The following KSR2 variants were observed in gnomAD, a reference collection of about 807,000 sequenced individuals.
The protein encoded by KSR2 is kinase suppressor of ras 2.
A neutral mutation model predicts 107.8 loss-of-function variants in KSR2; 25 were observed. The observed-to-expected ratio is 0.23, with a 90% CI of 0.17 to 0.32. The LOEUF is 0.32. KSR2 is among the 10% of genes least tolerant of loss of function. KSR2 has a pLI of 1.00. For missense variants in KSR2, 887 were observed against 1,268.9 expected (o/e 0.70, Z 4.57); for synonymous variants, 480 against 507.0 (o/e 0.95, Z 0.71).
intron 5 of KSR2, among the ~76,000 whole-genome samples, chr12:117,607,654 A>AAGGAG (rs61650091): frequency 0.47 from 55,056 of 118,042 alleles, 13,641 homozygotes; most frequent in South Asian, 0.56. Context: ...GAGGGGAGGA[A>AAGGAG]AGGAGAGGAG....
At chr12:117,880,648 G>A (rs1174216919) in intron 1 of KSR2, among the ~76,000 whole-genome samples, 3 of 151,864 alleles carry the variant, frequency 2.0e-5, no homozygotes, top group African/African-American at 4.8e-5. Flanking sequence ...AAAACCTGCC[G>A]GAGGAAGCCG....
chr12:117,476,219 G>C (rs1871766971), intron 17 of KSR2, among the ~76,000 whole-genome samples: 1 of 152,236 alleles, frequency 6.6e-6, no homozygotes, highest in Non-Finnish European at 1.5e-5. Flanking sequence ...AATAGCTATT[G>C]AATAAGTAAA....
Position 117,647,032 on chromosome 12 carries a change from C to T in KSR2, c.1171+20442G>A, listed in dbSNP as rs377715720. On this transcript the variant is annotated intron_variant, in intron 5 of 19. Transcript: ENST00000339824. ...ACATGGTGACCAGGAGAAAGAAAGA[C>T]GGAGAGGGTGAAAGCCACACAGAGA... Among the ~76,000 whole-genome samples the T allele has an allele frequency of 9.2e-5, 14 of 151,882 alleles. No individual in the cohort carries two copies. The East Asian group carries it at 9.7e-4, about 11-fold the overall frequency.
intron 4 of KSR2, among the ~76,000 whole-genome samples, chr12:117,734,086 GC>G (rs1458105460): frequency 2.6e-5 from 4 of 152,090 alleles, no homozygotes; most frequent in Admixed American, 1.3e-4. Context: ...TTTGAGACCA[GC>G]CTGGCCAACA....
intron 5 of KSR2, among the ~76,000 whole-genome samples, chr12:117,611,446 A>ACACACACACACACACACACACACACG (rs1278726616): frequency 3.4e-5 from 1 of 29,024 alleles, no homozygotes; most frequent in African/African-American, 1.4e-4. Context: ...GCACGCACAG[A>ACACACACACACACACACACACACACG]CACACACACA....
At chr12:117,824,913 C>T (rs1891688731) in intron 3 of KSR2, among the ~76,000 whole-genome samples, 1 of 150,386 alleles carries the variant, frequency 6.6e-6, no homozygotes, top group Non-Finnish European at 1.5e-5. Context: ...GGAGCAGTGG[C>T]TCATGGCTGT....
Position 117,460,295 on chromosome 12 carries a change from G to A in KSR2, c.*6904C>T, listed in dbSNP as rs2137093819. 6.6e-6 allele frequency: 1 copy of A among 152,272 alleles called. No homozygotes were observed. The highest frequency in any genetic ancestry group is 1.9e-4 in the East Asian group (1 of 5,180). 9.4% of individuals were successfully genotyped at this position (152,272 alleles called of 1,614,324 possible). ...TCATATTCTTGGTGTTAGGAAATGGGAGCTGCATGATCCCAATGAGTGGGA... is the reference window on the plus strand; with the variant it reads ...TCATATTCTTGGTGTTAGGAAATGGAAGCTGCATGATCCCAATGAGTGGGA... On this transcript the variant is annotated 3_prime_UTR_variant, in exon 20 of 20. Coordinates refer to ENST00000339824, the MANE Select transcript of KSR2 (RefSeq NM_173598.6).
At chr12:117,810,235 ACT>A (rs1341550890) in intron 3 of KSR2, among the ~76,000 whole-genome samples, 1 of 152,036 alleles carries the variant, frequency 6.6e-6, no homozygotes, top group Non-Finnish European at 1.5e-5. Flanking sequence ...AGGAACTATC[ACT>A]CTATTAATCT....
At chr12:117,783,280 C>T (rs1280223887) in intron 3 of KSR2, among the ~76,000 whole-genome samples, 2 of 152,078 alleles carry the variant, frequency 1.3e-5, no homozygotes, top group African/African-American at 4.8e-5. Flanking sequence ...CCCAAGGGTC[C>T]CATAGTGGAA....
chr12:117,472,624 G>A (rs919741511), intron 17 of KSR2, among the ~76,000 whole-genome samples: 12 of 152,158 alleles, frequency 7.9e-5, no homozygotes, highest in Non-Finnish European at 1.3e-4. Flanking sequence ...GTTTCACTTC[G>A]TAGTTACATC....
intron 14 of KSR2, among the ~76,000 whole-genome samples, chr12:117,498,871 T>C (rs868400445): frequency 5.9e-5 from 9 of 152,370 alleles, no homozygotes; most frequent in African/African-American, 1.7e-4. Context: ...TCCCCAGCCA[T>C]GTGGAACTGT....
chr12:117,938,952 G>C (rs1895923964), intron 1 of KSR2, among the ~76,000 whole-genome samples: 1 of 150,320 alleles, frequency 6.7e-6, no homozygotes. Context: ...AAATCACTGG[G>C]AATCAGTCAA....
intron 1 of KSR2, among the ~76,000 whole-genome samples, chr12:117,958,044 G>T (rs780848514): frequency 2.0e-5 from 3 of 152,106 alleles, no homozygotes; most frequent in Non-Finnish European, 4.4e-5. Context: ...TGTTGGCCAA[G>T]CTGGTCTTGA....
At chr12:117,959,480 G>A (rs1186412907) in intron 1 of KSR2, among the ~76,000 whole-genome samples, 1 of 152,096 alleles carries the variant, frequency 6.6e-6, no homozygotes, top group East Asian at 1.9e-4. Context: ...AATCATACCA[G>A]TCAAAAGCAC....
At chr12:117,934,313 G>T (rs1009196124) in intron 1 of KSR2, among the ~76,000 whole-genome samples, 1 of 152,126 alleles carries the variant, frequency 6.6e-6, no homozygotes, top group South Asian at 2.1e-4. Flanking sequence ...TTGACTCCAG[G>T]AGTAGAGAAA....
intron 4 of KSR2, among the ~76,000 whole-genome samples, chr12:117,698,178 C>T (rs1886149197): frequency 6.6e-6 from 1 of 152,180 alleles, no homozygotes; most frequent in Admixed American, 6.5e-5. Flanking sequence ...AACTGTGAGA[C>T]AGTAAATTTC....
At position 117,897,059 on chromosome 12, in the gene KSR2, G is replaced by A. The variant is rs1046449429; in HGVS notation, c.181-36628C>T. Among the ~76,000 whole-genome samples, 1 of 152,148 alleles carries A rather than the reference G, an allele frequency of 6.6e-6. No homozygotes were observed. Among genetic ancestry groups the A allele is most frequent in the Non-Finnish European group, 1.5e-5 (1 of 68,026 alleles). ...AACCAGGAGGTGTTAGAGTGAAGAGGTTTCTTCCTCTCTGCCCTGTTCCTC... is the reference window on the plus strand; with the variant it reads ...AACCAGGAGGTGTTAGAGTGAAGAGATTTCTTCCTCTCTGCCCTGTTCCTC... On this transcript the variant is annotated intron_variant, in intron 1 of 19. Transcript: ENST00000339824. This position sits in a 1 kb window ranked among gnomAD's most constrained non-coding sequence, Gnocchi z 4.5.
chr12:117,884,432 T>C (rs1187831885), intron 1 of KSR2, among the ~76,000 whole-genome samples: 1 of 152,184 alleles, frequency 6.6e-6, no homozygotes, highest in Admixed American at 6.5e-5. Context: ...TCCTCCACCA[T>C]GCCAGCTCTC....
At chr12:117,961,846 A>G (rs1251823897) in intron 1 of KSR2, among the ~76,000 whole-genome samples, 1 of 152,158 alleles carries the variant, frequency 6.6e-6, no homozygotes, top group Non-Finnish European at 1.5e-5. Flanking sequence ...ATATATGAAG[A>G]GCAAAGAAAT....
Sources: allele counts gnomAD v4.1 joint callset (sites outside exome capture counted in the v4.1 genomes callset), GRCh38; gene constraint gnomAD v4.1.1; non-coding constraint Gnocchi (gnomAD v3.1); transcripts MANE v1.5; gene names NCBI Gene and HGNC (gene_info 2026-07-23, HGNC 2026-07-21).